TMEM220: variants seen among roughly 807,000 people sequenced by gnomAD.
TMEM220 encodes transmembrane protein 220.
TMEM220 carries 21 observed loss-of-function variants against 21.7 expected under a neutral mutation model. The observed-to-expected ratio is 0.97, with a 90% CI of 0.69 to 1.39. TMEM220 has a LOEUF of 1.39. Among genes scored for constraint, TMEM220 ranks in the 40% most tolerant of loss-of-function variants. The pLI is 0.00. For synonymous variants in TMEM220, 80 were observed against 73.6 expected, an observed-to-expected ratio of 1.09 and a Z score of -0.45; for missense variants, 191 against 201.9, an observed-to-expected ratio of 0.95 and a Z score of 0.33.
At position 10,714,123 on chromosome 17, in the gene TMEM220, TA is replaced by T. The variant is rs2074878942; in HGVS notation, c.*1329del. The T allele has an allele frequency of 6.6e-6, 1 of 152,188 alleles. No individual in the cohort carries two copies. Among genetic ancestry groups the T allele is most frequent in the African/African-American group, 2.4e-5 (1 of 41,446 alleles). The allele number at this position is 152,188 out of a possible 1,614,324, so 9.4% of individuals were successfully genotyped here. Reference sequence around the variant, plus strand: ...AACTTTAATAGTATATTTAACCCATTATAGCCAAAATATTGTTTCAACATGT... The same window carrying T: ...AACTTTAATAGTATATTTAACCCATTTAGCCAAAATATTGTTTCAACATGT... On this transcript the variant is annotated 3_prime_UTR_variant, in exon 6 of 6. Coordinates refer to ENST00000341871, the MANE Select transcript of TMEM220 (RefSeq NM_001004313.3).
chr17:10,721,296 C>T (rs558923369), intron 5 of TMEM220, among the ~76,000 whole-genome samples: 7 of 152,226 alleles, frequency 4.6e-5, no homozygotes, highest in African/African-American at 1.2e-4. Flanking sequence ...ATAACTGTCA[C>T]GGACTGAAAC....
intron 1 of TMEM220, 44 bp downstream of exon 1, chr17:10,729,736 A>G: frequency 1.5e-6 from 2 of 1,313,952 alleles, no homozygotes; most frequent in East Asian, 3.1e-5. Flanking sequence ...CAGGGGGCGG[A>G]GCTGGGAGCC....
intron 5 of TMEM220, among the ~76,000 whole-genome samples, chr17:10,721,832 T>G (rs1465564429): frequency 1.3e-5 from 2 of 152,040 alleles, no homozygotes; most frequent in Admixed American, 6.6e-5. Context: ...AAGTTGTTTT[T>G]CTCCAATAAT....
downstream of TMEM220, among the ~76,000 whole-genome samples, chr17:10,712,894 A>G (rs1157336754): frequency 6.6e-6 from 1 of 152,236 alleles, no homozygotes; most frequent in East Asian, 1.9e-4. Flanking sequence ...TGGAGCCCTT[A>G]GGGCTTTCTG....
At chr17:10,719,345 C>T (rs887726597) in intron 5 of TMEM220, among the ~76,000 whole-genome samples, 11 of 152,116 alleles carry the variant, frequency 7.2e-5, no homozygotes, top group South Asian at 2.1e-4. Flanking sequence ...GGCGCGATCT[C>T]GGCTCACTGC....
chr17:10,721,456 A>G (rs2074987561), intron 5 of TMEM220, among the ~76,000 whole-genome samples: 2 of 151,860 alleles, frequency 1.3e-5, no homozygotes, highest in African/African-American at 2.4e-5. Context: ...TAAAAACACA[A>G]AAATTGGATG....
At chr17:10,717,112 C>A (rs1241678924) in intron 5 of TMEM220, among the ~76,000 whole-genome samples, 1 of 152,144 alleles carries the variant, frequency 6.6e-6, no homozygotes, top group Non-Finnish European at 1.5e-5. Flanking sequence ...TCATATCACC[C>A]ACAAATCATG....
chr17:10,727,608 C>G lies in TMEM220; in HGVS notation c.103-1344G>C, dbSNP rs547031792. On this transcript the variant is annotated intron_variant, in intron 2 of 5. Transcript: ENST00000341871. ...TAATATTTGGAATTCAAGATACGGA[C>G]CAGGGTGCCAAGGCAAAGGCAGTTT... 4.6e-5 allele frequency among the ~76,000 whole-genome samples: 7 copies of G among 152,186 alleles called. No homozygotes were observed. In the South Asian group the frequency reaches 1.5e-3, roughly 32 times the overall value.
chr17:10,719,423 A>G (rs2074961974), intron 5 of TMEM220, among the ~76,000 whole-genome samples: 1 of 152,054 alleles, frequency 6.6e-6, no homozygotes, highest in Non-Finnish European at 1.5e-5. Context: ...ACCCGCCACC[A>G]TGCCCGGCTA....
chr17:10,719,512 G>A lies in TMEM220; in HGVS notation c.347+3758C>T, dbSNP rs183296770. Among the ~76,000 whole-genome samples, 522 of 152,238 alleles carry A rather than the reference G, an allele frequency of 3.4e-3. 1 individual carries two copies. Among genetic ancestry groups the A allele is most frequent in the African/African-American group, 0.012 (489 of 41,560 alleles). ...GAACTCCTGGACTTGTGATCTGCCC[G>A]CCTCAGCCTCCCAAAGTGCTGGGAT... On this transcript the variant is annotated intron_variant, in intron 5 of 5. Coordinates refer to ENST00000341871, the MANE Select transcript of TMEM220 (RefSeq NM_001004313.3).
intron 5 of TMEM220, among the ~76,000 whole-genome samples, chr17:10,718,334 C>G (rs1477328221): frequency 6.6e-6 from 1 of 151,996 alleles, no homozygotes; most frequent in Admixed American, 6.6e-5. Context: ...ATTTGTACTT[C>G]CTTGTGCTCT....
chr17:10,727,913 C>G (rs887942348), intron 2 of TMEM220, among the ~76,000 whole-genome samples: 2 of 152,140 alleles, frequency 1.3e-5, no homozygotes, highest in African/African-American at 4.8e-5. Context: ...GTAATCCCAG[C>G]ACTTTGGGAG....
intron 5 of TMEM220, among the ~76,000 whole-genome samples, chr17:10,717,063 G>T (rs139597976): frequency 6.6e-6 from 1 of 152,128 alleles, no homozygotes; most frequent in Non-Finnish European, 1.5e-5. Flanking sequence ...ACTTATTCTA[G>T]TAATTTTTTA....
chr17:10,728,111 G>A (rs908367270), intron 2 of TMEM220, among the ~76,000 whole-genome samples: 2 of 151,136 alleles, frequency 1.3e-5, no homozygotes, highest in Non-Finnish European at 2.9e-5. Context: ...GGTGAGCCTA[G>A]ATTGCGCCAT....
intron 5 of TMEM220, among the ~76,000 whole-genome samples, chr17:10,721,561 C>T (rs570847261): frequency 2.3e-5 from 3 of 130,056 alleles, no homozygotes; most frequent in South Asian, 2.4e-4. Flanking sequence ...GCCAAGATCG[C>T]GCCACTGCAC....
At chr17:10,723,565 C>T (rs1021192321) in intron 4 of TMEM220, among the ~76,000 whole-genome samples, 1 of 152,132 alleles carries the variant, frequency 6.6e-6, no homozygotes, top group Non-Finnish European at 1.5e-5. Flanking sequence ...GGTATGAGAT[C>T]CCTGACTATG....
intron 2 of TMEM220, 161 bp from the exon 3 acceptor site, chr17:10,726,425 T>G (rs2075050337): frequency 1.5e-6 from 1 of 652,420 alleles, no homozygotes; most frequent in South Asian, 1.8e-5. Context: ...TAGATTCTCC[T>G]TTTGTGGCAC....
intron 5 of TMEM220, among the ~76,000 whole-genome samples, chr17:10,721,184 G>A (rs1043623945): frequency 6.6e-6 from 1 of 152,162 alleles, no homozygotes; most frequent in African/African-American, 2.4e-5. Context: ...AAGCAAGGAA[G>A]CTATCAAAGG....
At chr17:10,711,283 A>G (rs1426289082), downstream of TMEM220, 4 of 711,668 alleles carry the variant, frequency 5.6e-6, no homozygotes, top group Non-Finnish European at 9.1e-6. Flanking sequence ...GTGATGGTTG[A>G]TAAAATACTC....
Sources: allele counts gnomAD v4.1 joint callset (sites outside exome capture counted in the v4.1 genomes callset), GRCh38; gene constraint gnomAD v4.1.1; transcripts MANE v1.5; gene names NCBI Gene and HGNC (gene_info 2026-07-23, HGNC 2026-07-21).